Variants in MBNL1 observed in about 807,000 individuals in gnomAD.
The protein encoded by MBNL1 is muscleblind-like protein 1.
A neutral mutation model predicts 42.2 loss-of-function variants in MBNL1; 8 were observed. That is an observed-to-expected ratio of 0.19 (90% CI 0.11 to 0.34). The LOEUF (loss-of-function observed/expected upper bound fraction) is 0.34. MBNL1 is among the 10% of genes least tolerant of loss of function. MBNL1 has a pLI of 1.00. For synonymous variants in MBNL1, 169 were observed against 173.9 expected, an observed-to-expected ratio of 0.97 and a Z score of 0.22; for missense variants, 309 against 495.3, an observed-to-expected ratio of 0.62 and a Z score of 3.57.
intron 2 of MBNL1, among the ~76,000 whole-genome samples, chr3:152,321,020 ACT>A (rs2076177282): frequency 6.6e-6 from 1 of 152,008 alleles, no homozygotes; most frequent in Admixed American, 6.6e-5. Context: ...ATGTCTCTAG[ACT>A]CTGCCACTTA....
intron 5 of MBNL1, among the ~76,000 whole-genome samples, chr3:152,445,904 T>G (rs918778974): frequency 5.9e-5 from 9 of 152,242 alleles, no homozygotes; most frequent in South Asian, 4.1e-4. Flanking sequence ...TTTGGTGTGT[T>G]CTTTTGCACA....
chr3:152,298,842 TC>T (rs2059668304), intron 1 of MBNL1: 1 of 152,194 alleles, frequency 6.6e-6, no homozygotes, highest in South Asian at 2.1e-4. Flanking sequence ...TCAGTGCCCG[TC>T]CCTGCGCAGA....
At chr3:152,323,443 A>G (rs988416461) in intron 2 of MBNL1, among the ~76,000 whole-genome samples, 7 of 152,142 alleles carry the variant, frequency 4.6e-5, no homozygotes, top group African/African-American at 1.2e-4. Context: ...TAAAAAATAT[A>G]TATGTACACA....
chr3:152,278,522 G>T (rs889804102), intron 1 of MBNL1, among the ~76,000 whole-genome samples: 1 of 152,086 alleles, frequency 6.6e-6, no homozygotes, highest in Non-Finnish European at 1.5e-5. Context: ...TCTGCATAAT[G>T]CTTTCTGGGG....
intron 4 of MBNL1, among the ~76,000 whole-genome samples, chr3:152,436,260 T>C (rs1185645728): frequency 6.6e-6 from 1 of 152,208 alleles, no homozygotes; most frequent in East Asian, 1.9e-4. Flanking sequence ...GCATCGCAGG[T>C]TTAATGCTCA....
intron 4 of MBNL1, among the ~76,000 whole-genome samples, chr3:152,435,040 T>A (rs2099059979): frequency 1.3e-5 from 2 of 152,290 alleles, no homozygotes; most frequent in African/African-American, 4.8e-5. Context: ...CTCTTTAGTT[T>A]AATTAGATAT....
intron 3 of MBNL1, among the ~76,000 whole-genome samples, chr3:152,426,281 T>A (rs576163967): frequency 2.8e-4 from 42 of 152,216 alleles, no homozygotes; most frequent in Admixed American, 1.3e-3. Flanking sequence ...AACCACCATG[T>A]CCATGTCACA....
chr3:152,297,254 GTTTTT>G (rs1023006189), intron 1 of MBNL1, among the ~76,000 whole-genome samples: 3 of 101,492 alleles, frequency 3.0e-5, no homozygotes, highest in Non-Finnish European at 4.1e-5. Context: ...CTGGACCTTT[GTTTTT>G]TTTTTTTTTT....
intron 2 of MBNL1, among the ~76,000 whole-genome samples, chr3:152,389,932 G>A (rs1267781486): frequency 1.3e-5 from 2 of 151,944 alleles, no homozygotes; most frequent in African/African-American, 4.8e-5. Context: ...CTGGACTGCA[G>A]TAGCACGATC....
intron 2 of MBNL1, among the ~76,000 whole-genome samples, chr3:152,365,809 C>G (rs533621877): frequency 1.3e-5 from 2 of 152,150 alleles, no homozygotes; most frequent in East Asian, 3.9e-4. Flanking sequence ...TCCAAGATAG[C>G]TTAAGGGACC....
intron 2 of MBNL1, chr3:152,338,189 T>C (rs2091768741): frequency 1.0e-6 from 1 of 985,462 alleles, no homozygotes; most frequent in African/African-American, 1.7e-5. Flanking sequence ...CCTATCTCCA[T>C]GTATTTTGTT....
At chr3:152,420,074 C>A (rs776959899) in intron 3 of MBNL1, among the ~76,000 whole-genome samples, 1 of 152,170 alleles carries the variant, frequency 6.6e-6, no homozygotes, top group Non-Finnish European at 1.5e-5. Context: ...TCTCTCTGGG[C>A]AGGGCATCTC....
At chr3:152,370,760 T>G (rs528475275) in intron 2 of MBNL1, among the ~76,000 whole-genome samples, 41 of 152,182 alleles carry the variant, frequency 2.7e-4, no homozygotes, top group Non-Finnish European at 4.6e-4. Flanking sequence ...AATGCCCTTC[T>G]TTGTCTTTTT....
chr3:152,353,030 T>C (rs552204639), intron 2 of MBNL1, among the ~76,000 whole-genome samples: 137 of 152,326 alleles, frequency 9.0e-4, no homozygotes, highest in Non-Finnish European at 6.5e-4. Flanking sequence ...TAGTAAACTC[T>C]CTTAAAATTA....
chr3:152,430,726 G>A (rs1245562354), intron 3 of MBNL1, among the ~76,000 whole-genome samples: 1 of 152,152 alleles, frequency 6.6e-6, no homozygotes, highest in Non-Finnish European at 1.5e-5. Flanking sequence ...TGCGGCTCAG[G>A]GAAGTGTTGG....
intron 2 of MBNL1, among the ~76,000 whole-genome samples, chr3:152,407,306 T>TA (rs1285328464): frequency 1.3e-5 from 2 of 151,216 alleles, no homozygotes; most frequent in Non-Finnish European, 2.9e-5. Flanking sequence ...CATTTGCTGT[T>TA]ACGCTGATTG....
chr3:152,292,357 T>C (rs2056453096), intron 1 of MBNL1, among the ~76,000 whole-genome samples: 1 of 152,360 alleles, frequency 6.6e-6, no homozygotes, highest in Non-Finnish European at 1.5e-5. Flanking sequence ...GAATACAGTT[T>C]AGTTGCCACT....
At chr3:152,268,922 A>G (rs960360199), upstream of MBNL1, 26 of 456,042 alleles carry the variant, frequency 5.7e-5, no homozygotes, top group Admixed American at 7.0e-5. Flanking sequence ...GCACAGCGAC[A>G]TGCAACAGTC....
intron 3 of MBNL1, among the ~76,000 whole-genome samples, chr3:152,419,108 A>T (rs1008931918): frequency 6.6e-6 from 1 of 152,236 alleles, no homozygotes; most frequent in Non-Finnish European, 1.5e-5. Flanking sequence ...ACACAGATTA[A>T]TAAAACTAAT....
Sources: gnomAD v4.1 joint callset for allele counts (sites outside exome capture counted in the v4.1 genomes callset) on GRCh38, gnomAD v4.1.1 for gene constraint, MANE v1.5 for transcripts, NCBI Gene and HGNC (gene_info 2026-07-23, HGNC 2026-07-21) for gene names.